Variants in NTM observed in about 807,000 individuals in gnomAD.
NTM encodes IgLON family member 2.
A neutral mutation model predicts 42.1 loss-of-function variants in NTM; 13 were observed. The ratio of observed to expected loss-of-function variants is 0.31; its 90% CI spans 0.20 to 0.49. The LOEUF is 0.49. Among genes scored for constraint, NTM ranks in the 20% least tolerant of loss-of-function variants. NTM has a pLI of 0.99. For synonymous variants in NTM, 187 were observed against 179.2 expected (o/e 1.04, Z -0.35); for missense variants, 373 against 452.8 (o/e 0.82, Z 1.60).
chr11:132,193,420 A>T (rs1020287644), intron 3 of NTM, among the ~76,000 whole-genome samples: 4 of 152,160 alleles, frequency 2.6e-5, no homozygotes, highest in African/African-American at 4.8e-5. Context: ...GAAAAGAATG[A>T]CATTAAAGTA....
intron 2 of NTM, among the ~76,000 whole-genome samples, chr11:132,084,187 T>A (rs2059420480): frequency 6.6e-6 from 1 of 152,112 alleles, no homozygotes. Flanking sequence ...TTATAAACCA[T>A]CTTTTGAAGG....
intron 1 of NTM, among the ~76,000 whole-genome samples, chr11:131,866,407 C>T (rs923664745): frequency 3.9e-5 from 6 of 152,230 alleles, no homozygotes; most frequent in South Asian, 2.1e-4. Flanking sequence ...CTCCTTGGGG[C>T]CAGAAGCCTG....
intron 1 of NTM, chr11:131,546,825 C>T (rs1309249609): frequency 1.3e-5 from 2 of 152,298 alleles, no homozygotes; most frequent in Non-Finnish European, 2.9e-5. Context: ...AAAACTCTTC[C>T]TCTTTCTTTC....
chr11:131,808,084 C>G (rs1220817157), intron 1 of NTM, among the ~76,000 whole-genome samples: 1 of 152,198 alleles, frequency 6.6e-6, no homozygotes, highest in East Asian at 1.9e-4. Flanking sequence ...CTTGGCTGGA[C>G]AGGTGACTCA....
chr11:131,455,913 A>G (rs1591717527), intron 1 of NTM, among the ~76,000 whole-genome samples: 2 of 152,212 alleles, frequency 1.3e-5, no homozygotes, highest in Non-Finnish European at 2.9e-5. Context: ...TACAGTGTGG[A>G]TGGTCTTTGG....
chr11:132,115,648 G>A (rs959533218), intron 2 of NTM, among the ~76,000 whole-genome samples: 7 of 152,142 alleles, frequency 4.6e-5, no homozygotes, highest in Non-Finnish European at 7.4e-5. Flanking sequence ...CAGTAGCCTC[G>A]GTATTCAGCC....
intron 1 of NTM, among the ~76,000 whole-genome samples, chr11:131,595,379 A>G (rs1167283190): frequency 6.6e-6 from 1 of 152,228 alleles, no homozygotes; most frequent in South Asian, 2.1e-4. Context: ...AGGGGAAAAA[A>G]GACCCTGAAA....
intron 1 of NTM, among the ~76,000 whole-genome samples, chr11:131,828,600 C>T (rs560600798): frequency 6.6e-6 from 1 of 152,236 alleles, no homozygotes; most frequent in South Asian, 2.1e-4. Flanking sequence ...AACATCATCA[C>T]CGCCACCTTA....
chr11:131,939,054 T>A (rs760720142), intron 2 of NTM, among the ~76,000 whole-genome samples: 1 of 152,114 alleles, frequency 6.6e-6, no homozygotes, highest in African/African-American at 2.4e-5. Context: ...GGGATTTAAG[T>A]ATGGGAGAGA....
chr11:132,228,663 T>C (rs1301600742), intron 4 of NTM, among the ~76,000 whole-genome samples: 5 of 152,210 alleles, frequency 3.3e-5, no homozygotes, highest in Non-Finnish European at 5.9e-5. Context: ...GACCACAGTG[T>C]TTTCCTCCAC....
intron 1 of NTM, among the ~76,000 whole-genome samples, chr11:131,734,940 GA>G (rs2080219161): frequency 6.6e-6 from 1 of 151,938 alleles, no homozygotes. Context: ...AAAATCTGAG[GA>G]AACATAACCA....
chr11:131,561,160 G>T (rs551996699), intron 1 of NTM, among the ~76,000 whole-genome samples: 1 of 152,280 alleles, frequency 6.6e-6, no homozygotes, highest in African/African-American at 2.4e-5. Flanking sequence ...AGCATTTGGC[G>T]CTTCCATTCA....
At chr11:131,650,978 G>GT (rs2066410928) in intron 1 of NTM, among the ~76,000 whole-genome samples, 1 of 152,100 alleles carries the variant, frequency 6.6e-6, no homozygotes, top group Non-Finnish European at 1.5e-5. Context: ...AAGATTTCTA[G>GT]TTTTTTGCTC....
At chr11:131,712,802 C>A (rs2077311689) in intron 1 of NTM, among the ~76,000 whole-genome samples, 1 of 151,948 alleles carries the variant, frequency 6.6e-6, no homozygotes, top group Non-Finnish European at 1.5e-5. Context: ...CAGTACGTCT[C>A]AAACTCCTGA....
rs183560290 is a variant in NTM at position 132,198,544 on chromosome 11, G to A, written c.401-13478G>A. 9.9e-5 allele frequency among the ~76,000 whole-genome samples: 15 copies of A among 152,180 alleles called. No homozygotes were observed. The East Asian group carries it at 1.5e-3, about 16-fold the overall frequency. ...CGACTAAACTGTATACTTAAAAGTGGCCAAAATGATAAATGATAGATACAT... is the reference window on the plus strand; with the variant it reads ...CGACTAAACTGTATACTTAAAAGTGACCAAAATGATAAATGATAGATACAT... On this transcript the variant is annotated intron_variant, in intron 3 of 8. Coordinates refer to ENST00000683400, the MANE Select transcript of NTM (RefSeq NM_001352005.2).
intron 4 of NTM, among the ~76,000 whole-genome samples, chr11:132,263,406 T>C (rs762439726): frequency 3.3e-5 from 5 of 152,244 alleles, no homozygotes; most frequent in Non-Finnish European, 7.3e-5. Flanking sequence ...TCCTTCCTTC[T>C]GTTTCCTTCA....
intron 3 of NTM, among the ~76,000 whole-genome samples, chr11:132,194,302 G>T (rs897919407): frequency 1.3e-5 from 2 of 151,944 alleles, no homozygotes; most frequent in African/African-American, 4.8e-5. Context: ...GGGATGCAAG[G>T]GTGGTTCAAC....
At chr11:131,398,906 A>T (rs967832686) in intron 1 of NTM, among the ~76,000 whole-genome samples, 1 of 152,246 alleles carries the variant, frequency 6.6e-6, no homozygotes, top group Non-Finnish European at 1.5e-5. Context: ...AGGCTTGAAC[A>T]TTACATGAAA....
At chr11:132,284,442 A>T (rs1268118477) in intron 4 of NTM, 1 of 152,348 alleles carries the variant, frequency 6.6e-6, no homozygotes, top group African/African-American at 2.4e-5. Flanking sequence ...CAGTCCCATT[A>T]GATTGGGTCT....
Sources: gnomAD v4.1 joint callset for allele counts (sites outside exome capture counted in the v4.1 genomes callset) on GRCh38, gnomAD v4.1.1 for gene constraint, MANE v1.5 for transcripts, NCBI Gene and HGNC (gene_info 2026-07-23, HGNC 2026-07-21) for gene names.